RHAG: variants seen among roughly 807,000 people sequenced by gnomAD.
The protein encoded by RHAG is Rh associated glycoprotein.
RHAG carries 25 observed loss-of-function variants against 42.4 expected under a neutral mutation model. The ratio of observed to expected loss-of-function variants is 0.59; its 90% CI spans 0.43 to 0.82. The LOEUF (loss-of-function observed/expected upper bound fraction) is 0.82. Ranked by LOEUF, RHAG falls within the 40% of genes least tolerant of loss-of-function variation. RHAG has a pLI of 0.00. For synonymous variants in RHAG, 182 were observed against 177.7 expected (o/e 1.02, Z -0.19); for missense variants, 483 against 504.6 (o/e 0.96, Z 0.41).
intron 1 of RHAG, among the ~76,000 whole-genome samples, chr6:49,621,674 A>C (rs142076674): frequency 5.3e-5 from 8 of 152,264 alleles, no homozygotes; most frequent in Non-Finnish European, 8.8e-5. Flanking sequence ...CCCACCATTT[A>C]ATTTTTGTAT....
chr6:49,608,355 G>T (rs2127349712), intron 7 of RHAG, among the ~76,000 whole-genome samples: 1 of 152,204 alleles, frequency 6.6e-6, no homozygotes, highest in South Asian at 2.1e-4. Context: ...AACCTATCTA[G>T]AAATGAGAAT....
At chr6:49,617,828 GT>G (rs1305379401) in intron 3 of RHAG, among the ~76,000 whole-genome samples, 1 of 152,174 alleles carries the variant, frequency 6.6e-6, no homozygotes, top group East Asian at 1.9e-4. Flanking sequence ...AGTTTTTATG[GT>G]GTATACATGA....
intron 2 of RHAG, 56 bp downstream of exon 2, chr6:49,619,123 T>G (rs992605699): frequency 6.3e-7 from 1 of 1,576,070 alleles, no homozygotes; most frequent in African/African-American, 1.3e-5. Flanking sequence ...AGGTTAAGAG[T>G]GTAATATATG....
intron 1 of RHAG, among the ~76,000 whole-genome samples, chr6:49,619,748 A>G (rs1762722221): frequency 6.6e-6 from 1 of 152,200 alleles, no homozygotes; most frequent in African/African-American, 2.4e-5. Context: ...TTTCATTTAC[A>G]TAGCTTTGTG....
At chr6:49,629,714 C>T (rs985757880) in intron 1 of RHAG, among the ~76,000 whole-genome samples, 3 of 152,220 alleles carry the variant, frequency 2.0e-5, no homozygotes, top group African/African-American at 7.2e-5. Context: ...GCTAAGGCCC[C>T]GTGAGAAATC....
chr6:49,607,285 A>T, intron 7 of RHAG, 65 bp from the exon 8 acceptor site: 1 of 1,314,426 alleles, frequency 7.6e-7, no homozygotes. Flanking sequence ...AGTCTCACTC[A>T]CTGAGGGTGT....
intron 1 of RHAG, among the ~76,000 whole-genome samples, chr6:49,623,946 G>C (rs955002010): frequency 6.6e-6 from 1 of 152,118 alleles, no homozygotes; most frequent in African/African-American, 2.4e-5. Context: ...AGATAGCAGC[G>C]GGGAGGGAAC....
At chr6:49,611,346 G>A (rs149325258) in intron 6 of RHAG, among the ~76,000 whole-genome samples, 5 of 152,150 alleles carry the variant, frequency 3.3e-5, no homozygotes, top group East Asian at 1.9e-4. Flanking sequence ...GAATATTAAC[G>A]TCTCCAACAT....
At chr6:49,606,762 G>T in intron 9 of RHAG, 86 bp downstream of exon 9, 1 of 914,536 alleles carries the variant, frequency 1.1e-6, no homozygotes, top group Non-Finnish European at 1.8e-6. Flanking sequence ...TCACACCTAT[G>T]CACACAGATA....
intron 1 of RHAG, among the ~76,000 whole-genome samples, chr6:49,625,561 G>A (rs758156904): frequency 7.2e-5 from 11 of 152,062 alleles, no homozygotes; most frequent in South Asian, 2.1e-4. Context: ...TGGATTTGAG[G>A]TTGGTAACCA....
intron 1 of RHAG, 32 bp from the exon 2 acceptor site, chr6:49,619,394 T>C: frequency 6.3e-7 from 1 of 1,587,604 alleles, no homozygotes; most frequent in Non-Finnish European, 8.6e-7. Flanking sequence ...AATATCTGCA[T>C]TATGAGAGCA....
At chr6:49,622,899 T>G (rs1465969776) in intron 1 of RHAG, among the ~76,000 whole-genome samples, 3 of 148,690 alleles carry the variant, frequency 2.0e-5, no homozygotes, top group African/African-American at 5.0e-5. Context: ...GCAGTGGCGC[T>G]ATCTCGGCTC....
rs556485657 is a variant in RHAG at position 49,615,916 on chromosome 6, G to A, written c.493-145C>T. The A allele has an allele frequency of 3.6e-5, 28 of 785,344 alleles. 1 individual carries two copies. In the Admixed American group the frequency reaches 3.9e-4, roughly 11 times the overall value. 48.6% of individuals were successfully genotyped at this position (785,344 alleles called of 1,614,324 possible). A position where few individuals can be genotyped will look rare whatever the true frequency, so the allele number is the denominator to read the frequency against. ...GAAAGATTGTGTCAGAGAAAGGGGG[G>A]TAAAACAGGGAGTAAAACAGAAATA... On this transcript the variant is annotated intron_variant, in intron 3 of 9. Transcript: ENST00000371175.
chr6:49,605,973 A>G, intron 9 of RHAG, 143 bp from the exon 10 acceptor site: 1 of 730,542 alleles, frequency 1.4e-6, no homozygotes, highest in Non-Finnish European at 2.5e-6. Flanking sequence ...GTTGAAGAAA[A>G]ATAAAAGAAT....
At chr6:49,616,566 T>C (rs1762658443) in intron 3 of RHAG, among the ~76,000 whole-genome samples, 1 of 152,162 alleles carries the variant, frequency 6.6e-6, no homozygotes, top group Admixed American at 6.5e-5. Context: ...TAGATTCCTC[T>C]TTAGGATATG....
rs977675784 is a variant in RHAG, at chr6:49,635,104, A to G, written c.157+1552T>C. 3.3e-5 allele frequency among the ~76,000 whole-genome samples: 5 copies of G among 151,142 alleles called. No homozygotes were observed. In the South Asian group the frequency reaches 1.0e-3, roughly 32 times the overall value. Reference sequence around the variant, plus strand: ...GTTAACTATCATCATTATGTTGCACACTAGATGTCCAAAAATTATACATCT... The same window carrying G: ...GTTAACTATCATCATTATGTTGCACGCTAGATGTCCAAAAATTATACATCT... On this transcript the variant is annotated intron_variant, in intron 1 of 9. Coordinates refer to ENST00000371175, the MANE Select transcript of RHAG (RefSeq NM_000324.3).
intron 1 of RHAG, 41 bp downstream of exon 1, chr6:49,636,615 G>A: frequency 6.2e-7 from 1 of 1,605,916 alleles, no homozygotes; most frequent in Non-Finnish European, 8.5e-7. Context: ...AGAAACCGAA[G>A]AACCGAAAAA....
chr6:49,634,586 T>C (rs1316832948), intron 1 of RHAG, among the ~76,000 whole-genome samples: 1 of 152,018 alleles, frequency 6.6e-6, no homozygotes, highest in Non-Finnish European at 1.5e-5. Context: ...AGTGGATGAA[T>C]AGATAAAAAA....
chr6:49,620,900 G>C (rs1306344813), intron 1 of RHAG, among the ~76,000 whole-genome samples: 1 of 152,150 alleles, frequency 6.6e-6, no homozygotes, highest in Non-Finnish European at 1.5e-5. Context: ...TATGAGGGAG[G>C]ATGTGCCTGG....
Sources: allele counts gnomAD v4.1 joint callset (sites outside exome capture counted in the v4.1 genomes callset), GRCh38; gene constraint gnomAD v4.1.1; transcripts MANE v1.5; gene names NCBI Gene and HGNC (gene_info 2026-07-23, HGNC 2026-07-21).